The following CTNNA3 variants were observed in gnomAD, a reference collection of about 807,000 sequenced individuals.
CTNNA3 encodes catenin alpha-3.
CTNNA3 carries 76 observed loss-of-function variants against 95.7 expected under a neutral mutation model. The ratio of observed to expected loss-of-function variants is 0.79; its 90% CI spans 0.66 to 0.96. The LOEUF is 0.96. Ranked by LOEUF, CTNNA3 falls within the 40% of genes least tolerant of loss-of-function variation. The pLI, the probability that CTNNA3 is intolerant of heterozygous loss-of-function variation, is 0.00. For missense variants in CTNNA3, 1,191 were observed against 1,089.8 expected (o/e 1.09, Z -1.31); for synonymous variants, 431 against 374.4 (o/e 1.15, Z -1.74).
chr10:67,090,347 G>T (rs1041868400), intron 7 of CTNNA3, among the ~76,000 whole-genome samples: 5 of 152,064 alleles, frequency 3.3e-5, no homozygotes, highest in Non-Finnish European at 7.4e-5. Context: ...GTGCAAAGAA[G>T]CATCATAAAA....
At chr10:67,754,266 T>C (rs1215030989) in intron 1 of CTNNA3, among the ~76,000 whole-genome samples, 2 of 151,802 alleles carry the variant, frequency 1.3e-5, no homozygotes, top group African/African-American at 2.4e-5. Context: ...TGAGAACACA[T>C]GGACACAGGG....
chr10:66,361,131 A>T (rs1327993967), intron 12 of CTNNA3, among the ~76,000 whole-genome samples: 5 of 146,048 alleles, frequency 3.4e-5, no homozygotes, highest in Middle Eastern at 3.5e-3. Flanking sequence ...TAAATTTTGA[A>T]TTTTTTGTTT....
chr10:67,365,843 A>G (rs1843194068), intron 5 of CTNNA3, among the ~76,000 whole-genome samples: 1 of 152,232 alleles, frequency 6.6e-6, no homozygotes, highest in South Asian at 2.1e-4. Flanking sequence ...CTAGAACTAG[A>G]AATACCATTT....
chr10:67,031,206 T>C (rs1853706191), intron 7 of CTNNA3, among the ~76,000 whole-genome samples: 1 of 152,186 alleles, frequency 6.6e-6, no homozygotes, highest in Non-Finnish European at 1.5e-5. Context: ...AATTGATATA[T>C]ATGTCTATAT....
chr10:67,637,845 A>T (rs1382516246), intron 2 of CTNNA3, among the ~76,000 whole-genome samples: 1 of 152,226 alleles, frequency 6.6e-6, no homozygotes, highest in East Asian at 1.9e-4. Flanking sequence ...GGCCTGCCTA[A>T]AAGAGCTCCT....
intron 3 of CTNNA3, among the ~76,000 whole-genome samples, chr10:67,585,527 T>C (rs977696331): frequency 6.6e-6 from 1 of 152,174 alleles, no homozygotes; most frequent in African/African-American, 2.4e-5. Context: ...TATTGGTCTG[T>C]TTAGGTTTTC....
At chr10:66,205,440 T>C (rs74331225) in intron 13 of CTNNA3, among the ~76,000 whole-genome samples, 38 of 152,138 alleles carry the variant, frequency 2.5e-4, no homozygotes, top group African/African-American at 9.1e-4. Context: ...ATTTTGATAA[T>C]AATGTGGATT....
chr10:67,684,962 G>A (rs1320986468), intron 1 of CTNNA3, among the ~76,000 whole-genome samples: 1 of 152,156 alleles, frequency 6.6e-6, no homozygotes, highest in Non-Finnish European at 1.5e-5. Flanking sequence ...ATCCCTGACT[G>A]GTTAGTGTAA....
chr10:66,012,315 T>C (rs1302078608), intron 15 of CTNNA3, among the ~76,000 whole-genome samples: 2 of 152,102 alleles, frequency 1.3e-5, no homozygotes, highest in African/African-American at 4.8e-5. Flanking sequence ...GTGGGGAGAA[T>C]ATTAGTTGAA....
intron 7 of CTNNA3, among the ~76,000 whole-genome samples, chr10:66,817,056 TTA>T (rs1842115273): frequency 6.6e-6 from 1 of 152,032 alleles, no homozygotes; most frequent in Admixed American, 6.5e-5. Flanking sequence ...CTGTAAATGC[TTA>T]TGTTAGAAAA....
At position 67,763,374 on chromosome 10, in the gene CTNNA3, C is replaced by T. The variant is rs528210435; in HGVS notation, c.-2+60G>A. Among the ~76,000 whole-genome samples the T allele has an allele frequency of 2.0e-5, 3 of 152,194 alleles. No individual in the cohort carries two copies. The South Asian group carries it at 6.2e-4, about 32-fold the overall frequency. ...TTCCACAATTAAATGGGTGTAGACACTCAGCACCATAATTTGGTTTCGAGA... is the reference window on the plus strand; with the variant it reads ...TTCCACAATTAAATGGGTGTAGACATTCAGCACCATAATTTGGTTTCGAGA... On this transcript the variant is annotated intron_variant, in intron 1 of 17. Transcript: ENST00000684154.
At chr10:66,551,003 A>AT (rs1044860996) in intron 10 of CTNNA3, among the ~76,000 whole-genome samples, 47 of 148,542 alleles carry the variant, frequency 3.2e-4, no homozygotes, top group African/African-American at 1.2e-3. Context: ...CCAGATAATT[A>AT]TTTTTTCTTT....
chr10:66,679,375 A>G (rs947806241), intron 9 of CTNNA3, among the ~76,000 whole-genome samples: 1 of 152,232 alleles, frequency 6.6e-6, no homozygotes, highest in African/African-American at 2.4e-5. Flanking sequence ...GTGTAAATAC[A>G]AGATGAGAGT....
At chr10:66,099,880 T>C (rs2081549229) in intron 14 of CTNNA3, among the ~76,000 whole-genome samples, 2 of 152,174 alleles carry the variant, frequency 1.3e-5, no homozygotes, top group Non-Finnish European at 2.9e-5. Flanking sequence ...TAAACTGACA[T>C]GTGGCAATCA....
At chr10:66,574,621 TG>T (rs963717301) in intron 10 of CTNNA3, among the ~76,000 whole-genome samples, 6 of 152,144 alleles carry the variant, frequency 3.9e-5, no homozygotes, top group Non-Finnish European at 7.4e-5. Flanking sequence ...AAACAAAGGT[TG>T]TTTTTTTTTC....
chr10:66,490,206 T>C (rs1839876068), intron 11 of CTNNA3, among the ~76,000 whole-genome samples: 2 of 152,174 alleles, frequency 1.3e-5, no homozygotes, highest in Admixed American at 1.3e-4. Context: ...TTCTTAATTT[T>C]ATATTTTCTG....
At chr10:66,975,658 G>A (rs1481961954) in intron 7 of CTNNA3, among the ~76,000 whole-genome samples, 1 of 152,100 alleles carries the variant, frequency 6.6e-6, no homozygotes, top group African/African-American at 2.4e-5. Flanking sequence ...GATTAGTGGT[G>A]GCATTGAGCT....
chr10:66,041,244 G>C (rs748964047), intron 15 of CTNNA3, among the ~76,000 whole-genome samples: 3 of 152,254 alleles, frequency 2.0e-5, no homozygotes, highest in Non-Finnish European at 4.4e-5. Flanking sequence ...AAGTGGCAAG[G>C]TCATGAAAGA....
intron 1 of CTNNA3, among the ~76,000 whole-genome samples, chr10:67,732,912 A>ACACACAAACT (rs33931736): frequency 6.6e-6 from 1 of 151,136 alleles, no homozygotes; most frequent in African/African-American, 2.4e-5. Flanking sequence ...ACACACACAC[A>ACACACAAACT]TTCTCTCTCT....
Sources: gnomAD v4.1 joint callset for allele counts (sites outside exome capture counted in the v4.1 genomes callset) on GRCh38, gnomAD v4.1.1 for gene constraint, MANE v1.5 for transcripts, NCBI Gene and HGNC (gene_info 2026-07-23, HGNC 2026-07-21) for gene names.